PRKCB: variants seen among roughly 807,000 people sequenced by gnomAD.
PRKCB encodes protein kinase C beta, also known as protein kinase C beta type.
Under a neutral mutation model 81.5 loss-of-function variants are expected in PRKCB, and 13 were observed. The observed-to-expected ratio is 0.16, with a 90% CI of 0.10 to 0.25. The LOEUF is 0.25. PRKCB is among the 10% of genes least tolerant of loss of function. The probability of loss-of-function intolerance (pLI) is 1.00; values close to 1 mark genes in which losing one functional copy is unlikely to be tolerated. For synonymous variants in PRKCB, 335 were observed against 321.4 expected, an observed-to-expected ratio of 1.04 and a Z score of -0.45; for missense variants, 509 against 875.7, an observed-to-expected ratio of 0.58 and a Z score of 5.29.
chr16:24,154,561 T>C, intron 9 of PRKCB, 123 bp from the exon 10 acceptor site: 5 of 848,650 alleles, frequency 5.9e-6, no homozygotes, highest in South Asian at 5.3e-5. Flanking sequence ...CATTACCTGT[T>C]GTTTCAGAGT....
At chr16:23,979,202 A>G (rs1392637862) in intron 2 of PRKCB, among the ~76,000 whole-genome samples, 1 of 152,228 alleles carries the variant, frequency 6.6e-6, no homozygotes, top group Non-Finnish European at 1.5e-5. Context: ...GAGACACAGC[A>G]AAGACAATGG....
intron 16 of PRKCB, among the ~76,000 whole-genome samples, chr16:24,196,634 A>G (rs990117783): frequency 6.6e-6 from 1 of 152,208 alleles, no homozygotes; most frequent in Admixed American, 6.5e-5. Flanking sequence ...TCACCTGGGT[A>G]TCTGGCTAAA....
At chr16:24,037,961 G>A (rs1433264632) in intron 5 of PRKCB, among the ~76,000 whole-genome samples, 1 of 152,108 alleles carries the variant, frequency 6.6e-6, no homozygotes, top group African/African-American at 2.4e-5. Flanking sequence ...ACCGAGGTGG[G>A]TGGATCACTT....
chr16:24,020,120 T>C (rs1363743137), intron 3 of PRKCB, among the ~76,000 whole-genome samples: 1 of 152,224 alleles, frequency 6.6e-6, no homozygotes, highest in African/African-American at 2.4e-5. Context: ...CAGGAATATG[T>C]GTCTCTGTTT....
intron 3 of PRKCB, 194 bp from the exon 4 acceptor site, chr16:24,031,942 C>T: frequency 8.1e-6 from 4 of 493,436 alleles, no homozygotes; most frequent in South Asian, 5.6e-5. Context: ...CTGTCTTTGT[C>T]CTTCATTCCT....
At chr16:24,063,330 T>G (rs1029772724) in intron 5 of PRKCB, among the ~76,000 whole-genome samples, 1 of 151,858 alleles carries the variant, frequency 6.6e-6, no homozygotes, top group African/African-American at 2.4e-5. Context: ...AGTCTCACTC[T>G]GTTGCCCAGG....
In PRKCB at chr16:24,215,686, A is replaced by C. The variant is rs990987232; in HGVS notation, c.*870A>C. The C allele has an allele frequency of 7.0e-5, 69 of 985,448 alleles. No individual in the cohort carries two copies. Among genetic ancestry groups the C allele is most frequent in the Non-Finnish European group, 7.6e-5 (63 of 829,632 alleles). 61.0% of individuals were successfully genotyped at this position (985,448 alleles called of 1,614,324 possible). On this transcript the variant is annotated 3_prime_UTR_variant, in exon 17 of 17. Coordinates refer to ENST00000643927, the MANE Select transcript of PRKCB (RefSeq NM_002738.7). ...AAAAAAAGGTGACTCACATTGTTAC[A>C]CATGCTTTAAAATATGTATTCAAAT... is the stretch of plus-strand genomic sequence containing the variant.
intron 3 of PRKCB, among the ~76,000 whole-genome samples, 177 bp downstream of exon 3, chr16:23,988,767 G>A (rs1026853264): frequency 6.6e-6 from 1 of 152,156 alleles, no homozygotes; most frequent in African/African-American, 2.4e-5. Context: ...TTTGGAGGGA[G>A]TGTGGCTGGA....
At chr16:23,846,540 G>A (rs1337255357) in intron 2 of PRKCB, among the ~76,000 whole-genome samples, 1 of 141,660 alleles carries the variant, frequency 7.1e-6, no homozygotes, top group Non-Finnish European at 1.5e-5. Context: ...AACCCGGGAG[G>A]CAGAGGTTGC....
At chr16:23,987,511 A>C (rs576968628) in intron 2 of PRKCB, among the ~76,000 whole-genome samples, 1 of 152,160 alleles carries the variant, frequency 6.6e-6, no homozygotes, top group Non-Finnish European at 1.5e-5. Flanking sequence ...TGAACCAATC[A>C]TATTTGATTA....
intron 2 of PRKCB, among the ~76,000 whole-genome samples, chr16:23,983,711 G>A (rs1054412800): frequency 6.6e-6 from 1 of 151,942 alleles, no homozygotes; most frequent in African/African-American, 2.4e-5. Flanking sequence ...AGATGAATAA[G>A]ATAATAATTG....
At chr16:23,992,749 G>A (rs1208604775) in intron 3 of PRKCB, among the ~76,000 whole-genome samples, 4 of 152,300 alleles carry the variant, frequency 2.6e-5, no homozygotes, top group Admixed American at 2.6e-4. Context: ...GAATTACAAT[G>A]CAAATTGGAC....
At chr16:24,083,727 T>G (rs1966278025) in intron 5 of PRKCB, among the ~76,000 whole-genome samples, 1 of 152,050 alleles carries the variant, frequency 6.6e-6, no homozygotes, top group Non-Finnish European at 1.5e-5. Context: ...TTTTCCGAGG[T>G]GATAGAACTC....
chr16:24,118,828 C>A (rs868125437), intron 8 of PRKCB, among the ~76,000 whole-genome samples: 2 of 152,122 alleles, frequency 1.3e-5, no homozygotes, highest in Non-Finnish European at 2.9e-5. Flanking sequence ...CTCTTTGATG[C>A]AGTGTGTGCT....
At chr16:23,842,234 G>A (rs556702819) in intron 2 of PRKCB, among the ~76,000 whole-genome samples, 39 of 152,248 alleles carry the variant, frequency 2.6e-4, no homozygotes, top group South Asian at 1.2e-3. Flanking sequence ...TGGGCAAGTC[G>A]TCCCCCAGCA....
intron 2 of PRKCB, among the ~76,000 whole-genome samples, chr16:23,903,937 C>A (rs1963520666): frequency 6.6e-6 from 1 of 152,156 alleles, no homozygotes; most frequent in African/African-American, 2.4e-5. Flanking sequence ...ACACCATAGG[C>A]CCTTATTAAA....
At chr16:23,989,856 G>C (rs897604678) in intron 3 of PRKCB, among the ~76,000 whole-genome samples, 1 of 152,138 alleles carries the variant, frequency 6.6e-6, no homozygotes, top group Admixed American at 6.5e-5. Flanking sequence ...TCTTGTAGCT[G>C]CTGAATGAGG....
intron 2 of PRKCB, among the ~76,000 whole-genome samples, chr16:23,897,341 C>T (rs892456083): frequency 6.6e-6 from 1 of 152,232 alleles, no homozygotes; most frequent in African/African-American, 2.4e-5. Flanking sequence ...TACACAAGAA[C>T]AGTGTTTCCT....
At chr16:23,963,837 C>T (rs1043157233) in intron 2 of PRKCB, 39 of 152,344 alleles carry the variant, frequency 2.6e-4, no homozygotes, top group African/African-American at 8.9e-4. Flanking sequence ...TGTTATTGAT[C>T]TGTACATGAT....
Sources: gnomAD v4.1 joint callset for allele counts (sites outside exome capture counted in the v4.1 genomes callset) on GRCh38, gnomAD v4.1.1 for gene constraint, MANE v1.5 for transcripts, NCBI Gene and HGNC (gene_info 2026-07-23, HGNC 2026-07-21) for gene names.